SRPK2: variants seen among roughly 807,000 people sequenced by gnomAD.
SRPK2 encodes SFRS protein kinase 2.
SRPK2 carries 21 observed loss-of-function variants against 90.8 expected under a neutral mutation model. The ratio of observed to expected loss-of-function variants is 0.23; its 90% CI spans 0.16 to 0.33. The LOEUF (loss-of-function observed/expected upper bound fraction) is 0.33. SRPK2 is among the 10% of genes least tolerant of loss of function. The pLI is 1.00. For synonymous variants in SRPK2, 288 were observed against 311.1 expected (o/e 0.93, Z 0.78); for missense variants, 620 against 869.0 (o/e 0.71, Z 3.60).
At chr7:105,311,924 C>A (rs1414260012) in intron 2 of SRPK2, among the ~76,000 whole-genome samples, 1 of 152,092 alleles carries the variant, frequency 6.6e-6, no homozygotes. Flanking sequence ...TGGTATAGTT[C>A]TATTCATAAC....
chr7:105,202,841 G>A (rs1795726800), intron 3 of SRPK2, among the ~76,000 whole-genome samples: 1 of 152,184 alleles, frequency 6.6e-6, no homozygotes, highest in Non-Finnish European at 1.5e-5. Context: ...GTAATTCAAT[G>A]CTACACAAAG....
chr7:105,246,022 T>C (rs1456798290), intron 2 of SRPK2, among the ~76,000 whole-genome samples: 1 of 152,196 alleles, frequency 6.6e-6, no homozygotes, highest in Non-Finnish European at 1.5e-5. Context: ...AGAGAGAGGA[T>C]AATGGCTCTA....
At chr7:105,127,579 AGGAAAACCTGGAAAC>A (rs1312734677) in intron 13 of SRPK2, among the ~76,000 whole-genome samples, 1 of 152,212 alleles carries the variant, frequency 6.6e-6, no homozygotes, top group African/African-American at 2.4e-5. Context: ...ATTCAACCAA[AGGAAAACCTGGAAAC>A]AAAAAAGACC....
intron 6 of SRPK2, among the ~76,000 whole-genome samples, chr7:105,164,739 T>C (rs1808257556): frequency 6.6e-6 from 1 of 152,256 alleles, no homozygotes; most frequent in Non-Finnish European, 1.5e-5. Context: ...CTTCCCTAGT[T>C]GATCATGACT....
intron 6 of SRPK2, among the ~76,000 whole-genome samples, chr7:105,163,601 C>T (rs995299679): frequency 3.9e-5 from 6 of 151,926 alleles, no homozygotes; most frequent in Non-Finnish European, 8.8e-5. Flanking sequence ...TCGAGACCAG[C>T]CTGACCCACA....
chr7:105,145,947 C>T (rs1188982556), intron 8 of SRPK2, among the ~76,000 whole-genome samples: 2 of 152,068 alleles, frequency 1.3e-5, no homozygotes, highest in Non-Finnish European at 2.9e-5. Flanking sequence ...ATCATGGTGT[C>T]GAAGAGTGAG....
chr7:105,237,078 C>T (rs1251179052), intron 2 of SRPK2, among the ~76,000 whole-genome samples: 1 of 152,192 alleles, frequency 6.6e-6, no homozygotes, highest in East Asian at 1.9e-4. Flanking sequence ...CCATACATGA[C>T]CAGCTTTCTG....
intron 2 of SRPK2, among the ~76,000 whole-genome samples, chr7:105,251,583 T>C (rs554522280): frequency 2.7e-4 from 41 of 152,304 alleles, no homozygotes; most frequent in African/African-American, 9.9e-4. Flanking sequence ...CCACAAGGCT[T>C]CCTTTTCAAT....
At chr7:105,385,715 C>T (rs1156316732) in intron 2 of SRPK2, among the ~76,000 whole-genome samples, 10 of 152,160 alleles carry the variant, frequency 6.6e-5, no homozygotes, top group Admixed American at 6.5e-4. Context: ...AGAGAGTGGA[C>T]TCTGGTCCCG....
At chr7:105,235,457 G>C (rs1225808997) in intron 2 of SRPK2, among the ~76,000 whole-genome samples, 1 of 84,828 alleles carries the variant, frequency 1.2e-5, no homozygotes, top group Non-Finnish European at 2.3e-5. Flanking sequence ...ACGTTGTCTG[G>C]GATTGTGTGT....
At chr7:105,202,572 T>C (rs1795693513) in intron 3 of SRPK2, among the ~76,000 whole-genome samples, 1 of 152,222 alleles carries the variant, frequency 6.6e-6, no homozygotes, top group Non-Finnish European at 1.5e-5. Flanking sequence ...GTCTAGATCA[T>C]ATTGTTCTTA....
intron 2 of SRPK2, among the ~76,000 whole-genome samples, chr7:105,372,061 G>A (rs1045262927): frequency 6.7e-5 from 10 of 150,364 alleles, no homozygotes; most frequent in Non-Finnish European, 1.3e-4. Flanking sequence ...CATGAACCCG[G>A]AAGGCGGAGG....
intron 2 of SRPK2, among the ~76,000 whole-genome samples, chr7:105,380,178 C>A (rs1331275354): frequency 1.3e-5 from 2 of 152,348 alleles, no homozygotes; most frequent in East Asian, 3.9e-4. Flanking sequence ...GTCGCCCAGG[C>A]TGGCACTAAG....
intron 7 of SRPK2, among the ~76,000 whole-genome samples, chr7:105,147,352 C>G (rs1486987534): frequency 6.6e-6 from 1 of 152,130 alleles, no homozygotes; most frequent in Non-Finnish European, 1.5e-5. Context: ...GAGTCTCGCT[C>G]TGTCACCCAG....
At position 105,388,371 on chromosome 7, in the gene SRPK2, C is replaced by T. The variant is rs561640123; in HGVS notation, c.71+277G>A. On this transcript the variant is annotated intron_variant, in intron 2 of 15. Transcript: ENST00000393651. Reference sequence around the variant, plus strand: ...GCGCACGCCCTGCCCGGCGCCTTTCCGCCGGCCTCCCGCCCGCCGGCCGGT... The same window carrying T: ...GCGCACGCCCTGCCCGGCGCCTTTCTGCCGGCCTCCCGCCCGCCGGCCGGT... Among the ~76,000 whole-genome samples the T allele has an allele frequency of 3.7e-3, 563 of 150,464 alleles. 3 individuals carry two copies. The highest frequency in any genetic ancestry group is 6.3e-3 in the Non-Finnish European group (424 of 67,384).
chr7:105,330,643 A>T lies in SRPK2; in HGVS notation c.71+58005T>A, dbSNP rs886848548. ...GCATCCATACTTTACAGTAAGAAGGATTCTAAAACTGCACCCATGCCAGCA... is the reference window on the plus strand; with the variant it reads ...GCATCCATACTTTACAGTAAGAAGGTTTCTAAAACTGCACCCATGCCAGCA... On this transcript the variant is annotated intron_variant, in intron 2 of 15. Transcript: ENST00000393651. Among the ~76,000 whole-genome samples the T allele has an allele frequency of 7.9e-5, 12 of 152,272 alleles. No individual in the cohort carries two copies. In the East Asian group the frequency reaches 2.3e-3, roughly 29 times the overall value.
intron 2 of SRPK2, among the ~76,000 whole-genome samples, chr7:105,350,529 C>CTTTT (rs71152961): frequency 3.9e-5 from 5 of 127,350 alleles, no homozygotes; most frequent in Non-Finnish European, 3.2e-5. Flanking sequence ...AATTTTTTTT[C>CTTTT]TTTTTTTTTT....
Position 105,244,569 on chromosome 7 carries a change from G to A in SRPK2, c.72-40784C>T, listed in dbSNP as rs1354293950. The A allele has an allele frequency of 4.7e-5, 28 of 599,220 alleles. 1 individual carries two copies. The Admixed American group carries it at 7.1e-4, about 15-fold the overall frequency. The allele number at this position is 599,220 out of a possible 1,614,324, so 37.1% of individuals were successfully genotyped here. On this transcript the variant is annotated intron_variant, in intron 2 of 15. Coordinates refer to ENST00000393651, the MANE Select transcript of SRPK2 (RefSeq NM_182692.3). The stretch of plus-strand genomic sequence containing the variant: ...CGCCTGGGCGACAGAACGAGACTCC[G>A]TCTCAACAACAATAAAAAAATCCCA...
At chr7:105,207,912 T>C (rs933874539) in intron 2 of SRPK2, among the ~76,000 whole-genome samples, 3 of 152,186 alleles carry the variant, frequency 2.0e-5, no homozygotes, top group Non-Finnish European at 4.4e-5. Flanking sequence ...GATAAGTGAC[T>C]TGTATCTAGA....
Sources: allele counts gnomAD v4.1 joint callset (sites outside exome capture counted in the v4.1 genomes callset), GRCh38; gene constraint gnomAD v4.1.1; transcripts MANE v1.5; gene names NCBI Gene and HGNC (gene_info 2026-07-23, HGNC 2026-07-21).